The following RALY variants were observed in gnomAD, a reference collection of about 807,000 sequenced individuals.
The protein encoded by RALY is RNA-binding protein Raly.
In RALY, 15 loss-of-function variants were observed where a neutral mutation model predicts 30.7. That is an observed-to-expected ratio of 0.49 (90% confidence interval 0.33 to 0.75). The LOEUF (loss-of-function observed/expected upper bound fraction) is 0.75, where lower values mean the gene tolerates loss of function less well. Ranked by LOEUF, RALY falls within the 30% of genes least tolerant of loss-of-function variation. The pLI is 0.02. For missense variants in RALY, 339 were observed against 414.3 expected, an observed-to-expected ratio of 0.82 and a Z score of 1.58; for synonymous variants, 177 against 170.8, an observed-to-expected ratio of 1.04 and a Z score of -0.28.
intron 1 of RALY, among the ~76,000 whole-genome samples, chr20:34,026,919 T>C (rs1299029082): frequency 6.6e-6 from 1 of 152,052 alleles, no homozygotes; most frequent in Non-Finnish European, 1.5e-5. Flanking sequence ...AGAATAAGAG[T>C]TGCCGGGCAG....
At chr20:34,044,441 C>T (rs921304111) in intron 2 of RALY, among the ~76,000 whole-genome samples, 1 of 152,072 alleles carries the variant, frequency 6.6e-6, no homozygotes, top group Non-Finnish European at 1.5e-5. Context: ...CTGCCTCAGC[C>T]TCCCTAGTAG....
At chr20:34,020,337 G>T (rs545163631) in intron 1 of RALY, among the ~76,000 whole-genome samples, 2 of 152,312 alleles carry the variant, frequency 1.3e-5, no homozygotes, top group South Asian at 4.1e-4. Flanking sequence ...TTGTCTCTGA[G>T]TAGATAATAT....
At chr20:34,073,751 G>A in intron 4 of RALY, 68 bp from the exon 5 acceptor site, 1 of 1,568,406 alleles carries the variant, frequency 6.4e-7, no homozygotes, top group Non-Finnish European at 8.8e-7. Context: ...GTCTGGAGAT[G>A]AGGGCCTGTG....
Position 34,077,159 on chromosome 20 carries a change from T to C in RALY, c.790T>C (p.Ser264Pro). 6.2e-7 allele frequency: 1 copy of C among 1,613,332 alleles called. No homozygotes were observed. Among genetic ancestry groups the C allele is most frequent in the South Asian group, 1.1e-5 (1 of 91,028 alleles). Residue 264 changes from serine to proline, a missense_variant, in exon 8 of 10, where the codon TCT becomes CCT. Coordinates refer to ENST00000246194, the MANE Select transcript of RALY (RefSeq NM_016732.3). ...ACCAGCCCCCCAAGAGAACACAACTTCTGAGGCAGGCCTGCCCCAGGGGGA... is the reference window on the plus strand; with the variant it reads ...ACCAGCCCCCCAAGAGAACACAACTCCTGAGGCAGGCCTGCCCCAGGGGGA... Reference protein sequence around the residue: ...RPPAPQENTTSEAGLPQGEAR... With the variant: ...RPPAPQENTTPEAGLPQGEAR...
At chr20:34,077,310 G>A in intron 8 of RALY, 65 bp downstream of exon 8, 1 of 1,598,036 alleles carries the variant, frequency 6.3e-7, no homozygotes, top group East Asian at 2.3e-5. Flanking sequence ...AGGCCAACAG[G>A]GGAATGGGCA....
At chr20:34,076,203 C>A in intron 6 of RALY, 163 bp downstream of exon 6, 1 of 955,784 alleles carries the variant, frequency 1.0e-6, no homozygotes, top group Non-Finnish European at 1.5e-6. Context: ...GAGGAAACAG[C>A]TGATGTTTTA....
intron 2 of RALY, among the ~76,000 whole-genome samples, chr20:34,070,278 A>G (rs1187724689): frequency 2.0e-5 from 3 of 152,198 alleles, no homozygotes; most frequent in South Asian, 2.1e-4. Context: ...AGTGGCATCA[A>G]CCTGTACCAA....
chr20:34,075,895 T>C lies in RALY; in HGVS notation c.399T>C (p.Arg133=). The change falls in exon 6 of 10, where the codon CGT becomes CGC. Residue 133 remains arginine (R), a synonymous_variant. Coordinates refer to ENST00000246194, the MANE Select transcript of RALY (RefSeq NM_016732.3). ...FYDRLFDYRG[R]LSPVPVPRAV... ...ACAGGCTCTTCGACTACCGGGGCCG[T>C]CTGTCGCCCGTGCCAGTGCCCAGGG... 2 of 1,613,822 alleles carry C rather than the reference T, an allele frequency of 1.2e-6. No homozygotes were observed. The highest frequency in any genetic ancestry group is 1.7e-6 in the Non-Finnish European group (2 of 1,179,848).
intron 1 of RALY, among the ~76,000 whole-genome samples, chr20:34,016,772 A>G (rs2031622612): frequency 6.6e-6 from 1 of 152,238 alleles, no homozygotes; most frequent in South Asian, 2.1e-4. Context: ...TTTCTACCTC[A>G]TAGTGTCCGT....
At chr20:34,021,773 A>G (rs1365535977) in intron 1 of RALY, among the ~76,000 whole-genome samples, 1 of 152,172 alleles carries the variant, frequency 6.6e-6, no homozygotes, top group Non-Finnish European at 1.5e-5. Context: ...TAATAAGTAG[A>G]ATATGGTGAG....
intron 1 of RALY, among the ~76,000 whole-genome samples, chr20:34,021,827 C>A (rs995408437): frequency 6.6e-6 from 1 of 151,610 alleles, no homozygotes; most frequent in Non-Finnish European, 1.5e-5. Context: ...CCTCAGGAGA[C>A]GGAACTCTTT....
chr20:34,064,356 C>G (rs1008255844), intron 2 of RALY, among the ~76,000 whole-genome samples: 1 of 152,130 alleles, frequency 6.6e-6, no homozygotes, highest in African/African-American at 2.4e-5. Flanking sequence ...GGGGAGATAA[C>G]TGAGGCCTGC....
chr20:34,012,751 C>T, intron 1 of RALY, among the ~76,000 whole-genome samples: 1 of 152,244 alleles, frequency 6.6e-6, no homozygotes, highest in East Asian at 1.9e-4. Context: ...AAACTCTGGC[C>T]TTGGCCGCAA....
At chr20:34,026,542 A>T (rs994432707) in intron 1 of RALY, among the ~76,000 whole-genome samples, 8 of 149,922 alleles carry the variant, frequency 5.3e-5, no homozygotes, top group African/African-American at 2.0e-4. Flanking sequence ...AGCTGGGACT[A>T]CAGGCGCCCG....
chr20:34,020,713 G>A (rs1348384787), intron 1 of RALY, among the ~76,000 whole-genome samples: 1 of 152,178 alleles, frequency 6.6e-6, no homozygotes. Flanking sequence ...TGAATACCAC[G>A]CAGACTATGG....
At chr20:34,044,494 A>C (rs757156679) in intron 2 of RALY, among the ~76,000 whole-genome samples, 28 of 151,812 alleles carry the variant, frequency 1.8e-4, no homozygotes, top group Non-Finnish European at 4.0e-4. Context: ...CTAATTTCGT[A>C]TTTTTGGTAG....
intron 1 of RALY, among the ~76,000 whole-genome samples, chr20:34,004,829 T>C: frequency 6.6e-6 from 1 of 152,300 alleles, no homozygotes; most frequent in South Asian, 2.1e-4. Flanking sequence ...GCTCATCTAT[T>C]AGTTGTATAT....
chr20:34,074,665 A>G (rs1196029771), intron 5 of RALY, among the ~76,000 whole-genome samples: 3 of 152,082 alleles, frequency 2.0e-5, no homozygotes, highest in Non-Finnish European at 4.4e-5. Context: ...TGAATGGATT[A>G]TGTGATCTTG....
At chr20:34,054,826 A>AAAAG (rs200962517) in intron 2 of RALY, among the ~76,000 whole-genome samples, 13 of 151,904 alleles carry the variant, frequency 8.6e-5, no homozygotes, top group East Asian at 1.9e-4. Context: ...AAAAAAAAAA[A>AAAAG]AAAGAAAGAA....
Sources: allele counts gnomAD v4.1 joint callset (sites outside exome capture counted in the v4.1 genomes callset), GRCh38; gene constraint gnomAD v4.1.1; transcripts MANE v1.5; gene names NCBI Gene and HGNC (gene_info 2026-07-23, HGNC 2026-07-21).